Variants in GNAL observed in about 807,000 individuals in gnomAD.
GNAL encodes the protein G protein subunit alpha L, also known as guanine nucleotide-binding protein G(olf) subunit alpha.
A neutral mutation model predicts 55.1 loss-of-function variants in GNAL; 18 were observed. The ratio of observed to expected loss-of-function variants is 0.33; its 90% CI spans 0.23 to 0.48. GNAL has a LOEUF of 0.48. GNAL is among the 20% of genes least tolerant of loss of function. The probability of loss-of-function intolerance (pLI) is 0.99; values close to 1 mark genes in which losing one functional copy is unlikely to be tolerated. For missense variants in GNAL, 412 were observed against 614.1 expected, an observed-to-expected ratio of 0.67 and a Z score of 3.48; for synonymous variants, 253 against 237.0, an observed-to-expected ratio of 1.07 and a Z score of -0.62.
chr18:11,821,049 A>C (rs59549445), intron 4 of GNAL, among the ~76,000 whole-genome samples: 9,731 of 152,258 alleles, frequency 0.064, 461 homozygotes, highest in African/African-American at 0.13. Context: ...CTTACCCAAC[A>C]ACAGGACATT....
intron 7 of GNAL, 127 bp downstream of exon 7, chr18:11,864,733 G>T: frequency 1.5e-6 from 1 of 669,062 alleles, no homozygotes; most frequent in Non-Finnish European, 2.8e-6. Flanking sequence ...GAGCAGCTGG[G>T]GTGAAATTTG....
At chr18:11,813,254 T>A (rs201075023) in intron 4 of GNAL, among the ~76,000 whole-genome samples, 3 of 138,466 alleles carry the variant, frequency 2.2e-5, no homozygotes, top group Middle Eastern at 3.6e-3. Context: ...GACTCCATCT[T>A]AAAAAAAAGA....
chr18:11,752,213 C>T lies in GNAL; in HGVS notation c.377-640C>T, dbSNP rs2032867876. Reference sequence around the variant, plus strand: ...AATTCTCGTGTAAAAAGGCATTTTACTCCGCGCGTCTTCCTTACAGCCATT... The same window carrying T: ...AATTCTCGTGTAAAAAGGCATTTTATTCCGCGCGTCTTCCTTACAGCCATT... On this transcript the variant is annotated intron_variant, in intron 1 of 11. Coordinates refer to ENST00000334049, the MANE Select transcript of GNAL (RefSeq NM_182978.4). This position sits in a 1 kb window ranked among gnomAD's most constrained non-coding sequence, Gnocchi z 4.5. 1.2e-6 allele frequency: 1 copy of T among 808,174 alleles called. No homozygotes were observed. Among genetic ancestry groups the T allele is most frequent in the Non-Finnish European group, 1.7e-6 (1 of 572,876 alleles). 50.1% of individuals were successfully genotyped at this position (808,174 alleles called of 1,614,324 possible).
intron 5 of GNAL, among the ~76,000 whole-genome samples, chr18:11,840,049 T>G (rs2035580312): frequency 6.6e-6 from 1 of 152,204 alleles, no homozygotes; most frequent in Non-Finnish European, 1.5e-5. Context: ...ACTCCCTTGA[T>G]CACATAATAA....
At chr18:11,795,322 G>T (rs2034349221) in intron 4 of GNAL, among the ~76,000 whole-genome samples, 2 of 150,426 alleles carry the variant, frequency 1.3e-5, no homozygotes, top group Admixed American at 6.6e-5. Context: ...GATCACCTGA[G>T]CCAGGGAGGT....
intron 4 of GNAL, among the ~76,000 whole-genome samples, chr18:11,809,872 G>A (rs1381559017): frequency 6.6e-6 from 1 of 152,186 alleles, no homozygotes; most frequent in Non-Finnish European, 1.5e-5. Context: ...AATTTCTTTG[G>A]ACAATATTCT....
chr18:11,872,157 A>T, intron 9 of GNAL, 111 bp from the exon 10 acceptor site: 1 of 683,744 alleles, frequency 1.5e-6, no homozygotes, highest in Non-Finnish European at 2.5e-6. Context: ...CTTGAATCCT[A>T]TACATTTTTA....
intron 5 of GNAL, among the ~76,000 whole-genome samples, chr18:11,859,226 A>G (rs1176691849): frequency 6.6e-6 from 1 of 152,076 alleles, no homozygotes; most frequent in Admixed American, 6.6e-5. Context: ...AGTTGCGACC[A>G]TTTCTGATTA....
intron 4 of GNAL, among the ~76,000 whole-genome samples, chr18:11,787,346 A>C (rs1405237961): frequency 6.6e-6 from 1 of 152,214 alleles, no homozygotes; most frequent in African/African-American, 2.4e-5. Context: ...CTCTGCCAAT[A>C]CATCACTTTT....
At chr18:11,820,619 TG>T (rs1439141199) in intron 4 of GNAL, among the ~76,000 whole-genome samples, 1 of 152,228 alleles carries the variant, frequency 6.6e-6, no homozygotes, top group Non-Finnish European at 1.5e-5. Flanking sequence ...ACCTGAGTAA[TG>T]GGTACCTGGA....
intron 1 of GNAL, among the ~76,000 whole-genome samples, chr18:11,724,923 G>A (rs562300276): frequency 2.0e-5 from 3 of 152,298 alleles, no homozygotes; most frequent in East Asian, 1.9e-4. Context: ...TTTGCTTGTC[G>A]GGGCCTGCCA....
At chr18:11,869,439 G>T (rs938466240) in intron 9 of GNAL, among the ~76,000 whole-genome samples, 1 of 150,464 alleles carries the variant, frequency 6.6e-6, no homozygotes, top group Non-Finnish European at 1.5e-5. Flanking sequence ...CACCGCACCC[G>T]GCCAATGTGG....
chr18:11,753,690 CT>C lies in GNAL; in HGVS notation c.504+14del. 1.9e-6 allele frequency: 3 copies of C among 1,581,420 alleles called. No homozygotes were observed. The highest frequency in any genetic ancestry group is 1.3e-5 in the African/African-American group (1 of 74,414). On this transcript the variant is annotated intron_variant, in intron 3 of 11. Transcript: ENST00000334049. Reference sequence around the variant, plus strand: ...GTTAAAGATGCTATCGTGGTAAGGACTTTTTTAAATGATTGTTTACTAGAAA... The same window carrying C: ...GTTAAAGATGCTATCGTGGTAAGGACTTTTTAAATGATTGTTTACTAGAAA...
At chr18:11,858,673 TGGG>T (rs1343868115) in intron 5 of GNAL, among the ~76,000 whole-genome samples, 1 of 152,314 alleles carries the variant, frequency 6.6e-6, no homozygotes, top group African/African-American at 2.4e-5. Flanking sequence ...TTCAAAGAAT[TGGG>T]GGCATATTCA....
At chr18:11,730,357 C>T (rs1200871354) in intron 1 of GNAL, among the ~76,000 whole-genome samples, 1 of 151,774 alleles carries the variant, frequency 6.6e-6, no homozygotes, top group African/African-American at 2.4e-5. Flanking sequence ...TGGGGGTTTC[C>T]CCACGTTGGC....
chr18:11,833,543 G>A (rs1051072536), intron 5 of GNAL: 6 of 152,176 alleles, frequency 3.9e-5, no homozygotes, highest in Non-Finnish European at 2.9e-5. Flanking sequence ...AAAATTTTTA[G>A]TGGGATTACC....
intron 4 of GNAL, among the ~76,000 whole-genome samples, chr18:11,801,996 T>G (rs571870399): frequency 6.6e-6 from 1 of 152,294 alleles, no homozygotes; most frequent in South Asian, 2.1e-4. Context: ...CAAAAATCAC[T>G]GCAATACATA....
chr18:11,759,555 G>T (rs1288588671), intron 4 of GNAL, among the ~76,000 whole-genome samples: 1 of 152,246 alleles, frequency 6.6e-6, no homozygotes, highest in African/African-American at 2.4e-5. Flanking sequence ...GAGGCACCCT[G>T]TGTGGCTAAC....
chr18:11,760,810 A>G (rs1393574346), intron 4 of GNAL, among the ~76,000 whole-genome samples: 2 of 152,218 alleles, frequency 1.3e-5, no homozygotes, highest in Non-Finnish European at 2.9e-5. Context: ...GTGTGGGGCC[A>G]GCCCAAACTG....
Sources: gnomAD v4.1 joint callset for allele counts (sites outside exome capture counted in the v4.1 genomes callset) on GRCh38, gnomAD v4.1.1 for gene constraint, Gnocchi (gnomAD v3.1) non-coding constraint, MANE v1.5 for transcripts, NCBI Gene and HGNC (gene_info 2026-07-23, HGNC 2026-07-21) for gene names.